Variants in GTF3C1 observed in about 807,000 individuals in gnomAD.
GTF3C1 encodes the protein general transcription factor 3C polypeptide 1.
In GTF3C1, 57 loss-of-function variants were observed where a neutral mutation model predicts 226.7. The ratio of observed to expected loss-of-function variants is 0.25; its 90% confidence interval spans 0.20 to 0.31. GTF3C1 has a LOEUF of 0.31. GTF3C1 is among the 10% of genes least tolerant of loss of function. The pLI, the probability that GTF3C1 is intolerant of heterozygous loss-of-function variation, is 1.00. For missense variants in GTF3C1, 2,217 were observed against 2,776.1 expected (o/e 0.80, Z 4.53); for synonymous variants, 1,090 against 1,084.8 (o/e 1.00, Z -0.09).
chr16:27,547,874 C>G (rs947951515), intron 1 of GTF3C1, among the ~76,000 whole-genome samples: 6 of 152,244 alleles, frequency 3.9e-5, no homozygotes, highest in Middle Eastern at 3.4e-3. Context: ...ATCCGCCCAC[C>G]TCTGCCTCTC....
chr16:27,518,208 CAT>C (rs893427878), intron 6 of GTF3C1, among the ~76,000 whole-genome samples: 12 of 152,110 alleles, frequency 7.9e-5, no homozygotes, highest in East Asian at 3.9e-4. Flanking sequence ...CACACACACA[CAT>C]GCCTGGCCAG....
Position 27,495,109 on chromosome 16 carries a change from C to T in GTF3C1, c.2632+102G>A, listed in dbSNP as rs2088295729. ...ATTATGTTTCCATTTGGATCAGAGGCTGCAGCCAGTTTATATAAGGAAAAG... is the reference window on the plus strand; with the variant it reads ...ATTATGTTTCCATTTGGATCAGAGGTTGCAGCCAGTTTATATAAGGAAAAG... On this transcript the variant is annotated intron_variant, in intron 15 of 36. Transcript: ENST00000356183. 4 of 945,182 alleles carry T rather than the reference C, an allele frequency of 4.2e-6. No homozygotes were observed. The Admixed American group carries it at 6.3e-5, about 15-fold the overall frequency. The allele number at this position is 945,182 out of a possible 1,614,324, so 58.5% of individuals were successfully genotyped here. A position where few individuals can be genotyped will look rare whatever the true frequency, so the allele number is the denominator to read the frequency against.
intron 25 of GTF3C1, 98 bp from the exon 26 acceptor site, chr16:27,483,223 C>T (rs1436278445): frequency 3.4e-6 from 4 of 1,180,882 alleles, no homozygotes; most frequent in Admixed American, 1.9e-5. Flanking sequence ...TGGCCTTGGC[C>T]GACCTTGAAG....
In GTF3C1 at chr16:27,499,566, A is replaced by G. The variant is rs1382264437; in HGVS notation, c.2062-833T>C. ...GAAAGATCTGGAAACAGGGGGCAGG[A>G]AGCAACGCCTAGACAAGGGCTCCCG... On this transcript the variant is annotated intron_variant, in intron 12 of 36. Transcript: ENST00000356183. Among the ~76,000 whole-genome samples, 2 of 152,192 alleles carry G rather than the reference A, an allele frequency of 1.3e-5. 1 individual carries two copies. The highest frequency in any genetic ancestry group is 3.8e-4 in the East Asian group (2 of 5,202).
chr16:27,521,688 T>C (rs1025013616), intron 6 of GTF3C1, among the ~76,000 whole-genome samples: 3 of 152,288 alleles, frequency 2.0e-5, no homozygotes, highest in Admixed American at 6.5e-5. Context: ...ACAGAGCTTC[T>C]GCCATATTAA....
At chr16:27,475,664 G>A (rs571359820) in intron 29 of GTF3C1, among the ~76,000 whole-genome samples, 9 of 152,200 alleles carry the variant, frequency 5.9e-5, no homozygotes, top group East Asian at 3.9e-4. Flanking sequence ...AGGCTCCACC[G>A]GGGGTTCGAT....
rs145773792 is a variant in GTF3C1 at position 27,513,912 on chromosome 16, C to T, written c.974-2011G>A. Among the ~76,000 whole-genome samples the T allele has an allele frequency of 4.4e-4, 67 of 152,270 alleles. 2 individuals are homozygous for T. In the East Asian group the frequency reaches 6.2e-3, roughly 14 times the overall value. ...GTGAAGTGTGAAATGCCATCCCCAACAGCACAGAAGACTGAGGTCCGAGGA... is the reference window on the plus strand; with the variant it reads ...GTGAAGTGTGAAATGCCATCCCCAATAGCACAGAAGACTGAGGTCCGAGGA... On this transcript the variant is annotated intron_variant, in intron 6 of 36. Coordinates refer to ENST00000356183, the MANE Select transcript of GTF3C1 (RefSeq NM_001520.4).
chr16:27,464,910 A>G, intron 33 of GTF3C1, 74 bp from the exon 34 acceptor site: 3 of 1,262,766 alleles, frequency 2.4e-6, no homozygotes, highest in Non-Finnish European at 3.2e-6. Context: ...GGACGAGTGG[A>G]GTGGCCTCCC....
chr16:27,461,235 C>A lies in GTF3C1; in HGVS notation c.*115G>T. ...GTGACTCTGGCCAAAGCACCCGTCCCCTGCTGCAGGAGGCTCGGCAGACCC... is the reference window on the plus strand; with the variant it reads ...GTGACTCTGGCCAAAGCACCCGTCCACTGCTGCAGGAGGCTCGGCAGACCC... On this transcript the variant is annotated 3_prime_UTR_variant, in exon 37 of 37. Coordinates refer to ENST00000356183, the MANE Select transcript of GTF3C1 (RefSeq NM_001520.4). This position sits in a 1 kb window ranked among gnomAD's most constrained non-coding sequence, Gnocchi z 5.3. 1 of 665,826 alleles carries A rather than the reference C, an allele frequency of 1.5e-6. No individual in the cohort carries two copies. The highest frequency in any genetic ancestry group is 2.6e-6 in the Non-Finnish European group (1 of 379,336). 41.2% of individuals were successfully genotyped at this position (665,826 alleles called of 1,614,324 possible).
chr16:27,519,284 A>G (rs918277297), intron 6 of GTF3C1, among the ~76,000 whole-genome samples: 1 of 152,200 alleles, frequency 6.6e-6, no homozygotes, highest in Non-Finnish European at 1.5e-5. Flanking sequence ...GATACGGAGA[A>G]AGGTAGCTGT....
rs1031761205 is a variant in GTF3C1 at position 27,474,294 on chromosome 16, G to A, written c.4353+2157C>T. Among the ~76,000 whole-genome samples, 8 of 152,274 alleles carry A rather than the reference G, an allele frequency of 5.3e-5. No individual in the cohort carries two copies. In the South Asian group the frequency reaches 1.0e-3, roughly 20 times the overall value. Reference sequence around the variant, plus strand: ...GTTAAGGCAGAGTGACTAGGCCTTCGGTACCACACATCAGAGCCCAGGTGC... The same window carrying A: ...GTTAAGGCAGAGTGACTAGGCCTTCAGTACCACACATCAGAGCCCAGGTGC... On this transcript the variant is annotated intron_variant, in intron 29 of 36. Transcript: ENST00000356183.
rs201390400 is a variant in GTF3C1 at position 27,483,143 on chromosome 16, A to C, written c.4002-18T>G. The C allele has an allele frequency of 1.4e-5, 23 of 1,611,298 alleles. No individual in the cohort carries two copies. The Middle Eastern group carries it at 9.9e-4, about 69-fold the overall frequency. ...GGCACACTCTGCAGGAAGAGGAGACAAAGCTGAAGTCTGGGAATTGCAATG... is the reference window on the plus strand; with the variant it reads ...GGCACACTCTGCAGGAAGAGGAGACCAAGCTGAAGTCTGGGAATTGCAATG... On this transcript the variant is annotated intron_variant, in intron 25 of 36. Coordinates refer to ENST00000356183, the MANE Select transcript of GTF3C1 (RefSeq NM_001520.4).
chr16:27,504,474 G>A (rs974196229), intron 10 of GTF3C1, among the ~76,000 whole-genome samples: 3 of 152,188 alleles, frequency 2.0e-5, no homozygotes, highest in African/African-American at 7.2e-5. Context: ...TCAACGCCAC[G>A]CCCCATCACC....
chr16:27,511,690 C>A (rs553067714), intron 7 of GTF3C1, 59 bp downstream of exon 7: 2 of 1,567,662 alleles, frequency 1.3e-6, no homozygotes, highest in Middle Eastern at 1.7e-4. Context: ...GTGGGCAAAG[C>A]GCTTCTTGAC....
At chr16:27,508,723 G>C in intron 7 of GTF3C1, 68 bp from the exon 8 acceptor site, 1 of 1,148,412 alleles carries the variant, frequency 8.7e-7, no homozygotes, top group Non-Finnish European at 1.3e-6. Context: ...TCAGTTTCCA[G>C]CCCACTTTTT....
chr16:27,496,770 A>G (rs189981413), intron 14 of GTF3C1, among the ~76,000 whole-genome samples: 296 of 152,288 alleles, frequency 1.9e-3, no homozygotes, highest in African/African-American at 6.7e-3. Flanking sequence ...GATTTTCCCC[A>G]GTGAGAGATG....
chr16:27,549,687 G>A lies in GTF3C1; in HGVS notation c.204C>T (p.Asp68=). ...CCGCTGACCGGTCCTGGAGCTGTAGGTCGGGTCGCTCCCGAGGCTCCTCAT... is the reference window on the plus strand; with the variant it reads ...CCGCTGACCGGTCCTGGAGCTGTAGATCGGGTCGCTCCCGAGGCTCCTCAT... The part of the protein sequence containing the change: ...SFYEEPRERP[D]LQLQDRYEEI... The change falls in exon 1 of 37, where the codon GAC becomes GAT. Residue 68 remains aspartate (D), a synonymous_variant. Coordinates refer to ENST00000356183, the MANE Select transcript of GTF3C1 (RefSeq NM_001520.4). 2 of 1,584,676 alleles carry A rather than the reference G, an allele frequency of 1.3e-6. No individual in the cohort carries two copies. Among genetic ancestry groups the A allele is most frequent in the South Asian group, 1.1e-5 (1 of 88,056 alleles).
chr16:27,464,525 C>G lies in GTF3C1; in HGVS notation c.5667G>C (p.Gln1889His), dbSNP rs2087753580. 1.3e-6 allele frequency: 2 copies of G among 1,519,152 alleles called. No individual in the cohort carries two copies. The highest frequency in any genetic ancestry group is 1.4e-5 in the African/African-American group (1 of 70,942). The allele number at this position is 1,519,152 out of a possible 1,614,324, so 94.1% of individuals were successfully genotyped here. A position where few individuals can be genotyped will look rare whatever the true frequency, so the allele number is the denominator to read the frequency against. ...QMTPAKRPAL[Q>H]DSNLAPSLGP... ...CAAGGCTGGGGGCCAAATTTGAGTCCTGGAGCGCTGGCCTCTTGGCAGGGG... is the reference window on the plus strand; with the variant it reads ...CAAGGCTGGGGGCCAAATTTGAGTCGTGGAGCGCTGGCCTCTTGGCAGGGG... The change falls in exon 34 of 37, where the codon CAG becomes CAC. Residue 1889 changes from glutamine (Q) to histidine (H), a missense_variant. Physicochemically the swap from Gln to His is conservative, Grantham distance 24. This residue lies in a region of GTF3C1 where 455 missense variants were observed against 441.9 expected (regional missense o/e 1.03). Transcript: ENST00000356183.
chr16:27,475,172 G>T (rs1178068173), intron 29 of GTF3C1, among the ~76,000 whole-genome samples: 2 of 152,192 alleles, frequency 1.3e-5, no homozygotes, highest in Admixed American at 1.3e-4. Context: ...TGGCCCATGG[G>T]CCCCTTCGGG....
Sources: allele counts gnomAD v4.1 joint callset (sites outside exome capture counted in the v4.1 genomes callset), GRCh38; gene constraint gnomAD v4.1.1; regional missense constraint gnomAD v4.1.1; non-coding constraint Gnocchi (gnomAD v3.1); transcripts MANE v1.5; gene names NCBI Gene and HGNC (gene_info 2026-07-23, HGNC 2026-07-21).